Variants in PACC1 observed in about 807,000 individuals in gnomAD.
PACC1 encodes the protein proton-activated chloride channel.
PACC1 carries 34 observed loss-of-function variants against 39.7 expected under a neutral mutation model. The ratio of observed to expected loss-of-function variants is 0.86; its 90% CI spans 0.65 to 1.14. The LOEUF (loss-of-function observed/expected upper bound fraction) is 1.14. Ranked by LOEUF, PACC1 falls within the 50% of genes most tolerant of loss-of-function variation. The probability of loss-of-function intolerance (pLI) is 0.00; values close to 1 mark genes in which losing one functional copy is unlikely to be tolerated. For missense variants in PACC1, 379 were observed against 436.4 expected (o/e 0.87, Z 1.17); for synonymous variants, 127 against 160.6 (o/e 0.79, Z 1.58).
At chr1:212,390,220 C>T (rs757975831) in intron 2 of PACC1, among the ~76,000 whole-genome samples, 5 of 151,790 alleles carry the variant, frequency 3.3e-5, no homozygotes, top group African/African-American at 9.7e-5. Flanking sequence ...GTCAAGAGAT[C>T]GAAACCATCC....
intron 2 of PACC1, among the ~76,000 whole-genome samples, chr1:212,402,571 AG>A (rs1661755801): frequency 6.6e-6 from 1 of 152,186 alleles, no homozygotes. Flanking sequence ...GTCCCTTATC[AG>A]GTGTATGATT....
At chr1:212,385,613 G>A (rs1205799226) in intron 3 of PACC1, among the ~76,000 whole-genome samples, 188 bp from the exon 4 acceptor site, 2 of 152,134 alleles carry the variant, frequency 1.3e-5, no homozygotes, top group Non-Finnish European at 2.9e-5. Flanking sequence ...CTGTAGCAGA[G>A]GGCACAAGCC....
intron 2 of PACC1, among the ~76,000 whole-genome samples, chr1:212,392,033 A>C (rs1332892046): frequency 6.6e-6 from 1 of 152,258 alleles, no homozygotes; most frequent in Non-Finnish European, 1.5e-5. Flanking sequence ...GATATTATCC[A>C]GGAGAACTTC....
In PACC1 at chr1:212,386,684, G is replaced by A. The variant is rs1661111263; in HGVS notation, c.343+207C>T. On this transcript the variant is annotated intron_variant, in intron 3 of 7. Coordinates refer to ENST00000261455, the MANE Select transcript of PACC1 (RefSeq NM_018252.3). This position sits in a 1 kb window ranked among gnomAD's most constrained non-coding sequence, Gnocchi z 5.0. ...ACCCCTCTAGTAGCCTGCAGTAGCT[G>A]CTCCAGGCTCTGTCCATTTCTGTCC... 6.6e-6 allele frequency among the ~76,000 whole-genome samples: 1 copy of A among 152,124 alleles called. No individual in the cohort carries two copies. Among genetic ancestry groups the A allele is most frequent in the Non-Finnish European group, 1.5e-5 (1 of 68,022 alleles).
Position 212,365,123 on chromosome 1 carries a change from G to A in PACC1, c.*92C>T, listed in dbSNP as rs199649170. On this transcript the variant is annotated 3_prime_UTR_variant, in exon 8 of 8. Transcript: ENST00000261455. ...CCAGCAAGGCCCCATTTCTTCAAGT[G>A]AGTACAGGATTGTTGATAGCTCCGT... 20 of 1,316,640 alleles carry A rather than the reference G, an allele frequency of 1.5e-5. No individual in the cohort carries two copies. In the East Asian group the frequency reaches 4.9e-4, roughly 32 times the overall value. 81.6% of individuals were successfully genotyped at this position (1,316,640 alleles called of 1,614,324 possible).
intron 7 of PACC1, among the ~76,000 whole-genome samples, chr1:212,366,165 C>T (rs944283531): frequency 1.3e-5 from 2 of 152,212 alleles, no homozygotes; most frequent in African/African-American, 4.8e-5. Flanking sequence ...ATGCCCTTCA[C>T]AGTTCCTTAT....
chr1:212,389,238 C>T lies in PACC1; in HGVS notation c.134-2138G>A, dbSNP rs529918531. On this transcript the variant is annotated intron_variant, in intron 2 of 7. Coordinates refer to ENST00000261455, the MANE Select transcript of PACC1 (RefSeq NM_018252.3). The stretch of plus-strand genomic sequence containing the variant: ...GAGCAGCCAGAAAGTTAAGACAAAA[C>T]CATGAAAGGGAGGGAGCCACACAGG... Among the ~76,000 whole-genome samples the T allele has an allele frequency of 5.9e-5, 9 of 152,192 alleles. No homozygotes were observed. In the East Asian group the frequency reaches 1.7e-3, roughly 29 times the overall value.
At chr1:212,412,550 A>C (rs1228621794) in intron 1 of PACC1, among the ~76,000 whole-genome samples, 1 of 152,198 alleles carries the variant, frequency 6.6e-6, no homozygotes, top group Non-Finnish European at 1.5e-5. Flanking sequence ...CCATTCTCTG[A>C]GGAAGTGAGA....
chr1:212,410,088 C>CTA lies in PACC1; in HGVS notation c.133+335_133+336dup, dbSNP rs1036866591. ...AGGCCTAGTATCTGAAAGAGGGGGCCTATTAGATCTTCTTTGACCCGGATA... is the reference window on the plus strand; with the variant it reads ...AGGCCTAGTATCTGAAAGAGGGGGCCTATATTAGATCTTCTTTGACCCGGATA... On this transcript the variant is annotated intron_variant, in intron 2 of 7. Transcript: ENST00000261455. 4 of 284,454 alleles carry CTA rather than the reference C, an allele frequency of 1.4e-5. No homozygotes were observed. The East Asian group carries it at 2.9e-4, about 21-fold the overall frequency. The allele number at this position is 284,454 out of a possible 1,614,324, so 17.6% of individuals were successfully genotyped here.
chr1:212,411,288 C>T (rs1418364906), intron 1 of PACC1, among the ~76,000 whole-genome samples: 3 of 152,122 alleles, frequency 2.0e-5, no homozygotes, highest in Non-Finnish European at 1.5e-5. Flanking sequence ...TTAGAGTCTG[C>T]TGAGAGAAAA....
At chr1:212,409,325 C>T (rs948337180) in intron 2 of PACC1, among the ~76,000 whole-genome samples, 1 of 151,984 alleles carries the variant, frequency 6.6e-6, no homozygotes, top group African/African-American at 2.4e-5. Context: ...GTAATCTGGC[C>T]AGAAGGTTAG....
chr1:212,398,444 T>C (rs1163368854), intron 2 of PACC1, among the ~76,000 whole-genome samples: 9 of 152,230 alleles, frequency 5.9e-5, no homozygotes, highest in African/African-American at 1.4e-4. Context: ...CAAAATACTT[T>C]AGAAGGTTTT....
intron 6 of PACC1, 148 bp from the exon 7 acceptor site, chr1:212,375,448 T>C (rs1660612247): frequency 1.7e-6 from 1 of 590,184 alleles, no homozygotes; most frequent in South Asian, 2.2e-5. Context: ...AAAAATCTCA[T>C]ATATACAAGA....
chr1:212,378,676 G>C (rs1660758260), intron 5 of PACC1, among the ~76,000 whole-genome samples: 1 of 152,184 alleles, frequency 6.6e-6, no homozygotes, highest in African/African-American at 2.4e-5. Flanking sequence ...ACTTTCTGAT[G>C]GTCAGGGGAC....
At chr1:212,385,168 C>A in intron 4 of PACC1, 106 bp downstream of exon 4, 1 of 1,333,302 alleles carries the variant, frequency 7.5e-7, no homozygotes, top group South Asian at 1.3e-5. Context: ...AGGCCCCACA[C>A]TGAGTGAGTG....
rs754833408 is a variant in PACC1, at chr1:212,379,984, G to C, written c.549C>G (p.Val183=). ...GPREVKKREL[V]FLQFRLNKSS... The stretch of plus-strand genomic sequence containing the variant: ...TCTTGTTCAGGCGGAACTGGAGGAA[G>C]ACCAGCTCCCGCTTTTTCACTTCCC... Residue 183 remains valine (V), a synonymous_variant, in exon 5 of 8, where the codon GTC becomes GTG. Coordinates refer to ENST00000261455, the MANE Select transcript of PACC1 (RefSeq NM_018252.3). The C allele has an allele frequency of 1.2e-6, 2 of 1,614,230 alleles. No individual in the cohort carries two copies. Among genetic ancestry groups the C allele is most frequent in the South Asian group, 1.1e-5 (1 of 91,086 alleles).
At chr1:212,381,647 T>G (rs1660883153) in intron 4 of PACC1, among the ~76,000 whole-genome samples, 1 of 150,682 alleles carries the variant, frequency 6.6e-6, no homozygotes, top group African/African-American at 2.4e-5. Context: ...CTGCTTGCCC[T>G]CCACCTTCCC....
chr1:212,414,642 C>T, intron 1 of PACC1, 80 bp downstream of exon 1: 2 of 1,560,136 alleles, frequency 1.3e-6, no homozygotes, highest in East Asian at 2.3e-5. Flanking sequence ...CCCCGACACC[C>T]CCCGCCCCGC....
chr1:212,414,659 C>T (rs537286230), intron 1 of PACC1, 63 bp downstream of exon 1: 23 of 1,600,394 alleles, frequency 1.4e-5, no homozygotes, highest in Non-Finnish European at 1.7e-6. Flanking sequence ...CCGCATCCGC[C>T]CAGGCCCCCG....
Sources: gnomAD v4.1 joint callset for allele counts (sites outside exome capture counted in the v4.1 genomes callset) on GRCh38, gnomAD v4.1.1 for gene constraint, Gnocchi (gnomAD v3.1) non-coding constraint, MANE v1.5 for transcripts, NCBI Gene and HGNC (gene_info 2026-07-23, HGNC 2026-07-21) for gene names.